The following TM4SF4 variants were observed in gnomAD, a reference collection of about 807,000 sequenced individuals.
The protein encoded by TM4SF4 is transmembrane 4 L six family member 4.
TM4SF4 carries 24 observed loss-of-function variants against 24.1 expected under a neutral mutation model. The ratio of observed to expected loss-of-function variants is 1.00; its 90% CI spans 0.72 to 1.40. The LOEUF is 1.40. Ranked by LOEUF, TM4SF4 falls within the 40% of genes most tolerant of loss-of-function variation. TM4SF4 has a pLI of 0.00. For missense variants in TM4SF4, 254 were observed against 254.2 expected (o/e 1.00, Z 0.01); for synonymous variants, 113 against 97.0 (o/e 1.17, Z -0.97).
chr3:149,486,121 C>A (rs1368610300), intron 2 of TM4SF4, among the ~76,000 whole-genome samples: 3 of 152,150 alleles, frequency 2.0e-5, no homozygotes, highest in Non-Finnish European at 4.4e-5. Context: ...ATCACCCAGG[C>A]ACGATCAGGT....
At chr3:149,475,963 C>A in intron 2 of TM4SF4, 51 bp downstream of exon 2, 1 of 1,504,704 alleles carries the variant, frequency 6.6e-7, no homozygotes, top group Non-Finnish European at 9.1e-7. Flanking sequence ...GTGCTCTGTG[C>A]TTTTGTGCTG....
chr3:149,494,918 G>A (rs141032156), intron 3 of TM4SF4: 1 of 157,082 alleles, frequency 6.4e-6, no homozygotes, highest in South Asian at 2.0e-4. Flanking sequence ...ATGAGTCATT[G>A]ATGCTCAGGA....
chr3:149,494,338 G>C (rs4681516), intron 3 of TM4SF4, among the ~76,000 whole-genome samples: 67,137 of 152,048 alleles, frequency 0.44, 17,108 homozygotes, highest in South Asian at 0.58. Flanking sequence ...TTCTACGTTC[G>C]CCGTAAACGT....
intron 2 of TM4SF4, among the ~76,000 whole-genome samples, chr3:149,485,830 A>G (rs1233223653): frequency 6.7e-6 from 1 of 148,780 alleles, no homozygotes; most frequent in Non-Finnish European, 1.5e-5. Context: ...AAACCTATGC[A>G]TTATTGTATT....
chr3:149,491,016 A>C (rs1734201205), intron 3 of TM4SF4, among the ~76,000 whole-genome samples: 1 of 151,406 alleles, frequency 6.6e-6, no homozygotes, highest in South Asian at 2.1e-4. Flanking sequence ...GTAAGTGCTA[A>C]GTGTTTTTAT....
intron 1 of TM4SF4, 127 bp from the exon 2 acceptor site, chr3:149,475,696 G>A (rs1440926359): frequency 1.9e-5 from 14 of 747,172 alleles, no homozygotes; most frequent in East Asian, 2.7e-5. Context: ...GCCATGCTCT[G>A]TTACTTTGCC....
intron 4 of TM4SF4, among the ~76,000 whole-genome samples, chr3:149,500,305 A>G (rs943349655): frequency 2.0e-5 from 3 of 152,108 alleles, no homozygotes; most frequent in African/African-American, 7.2e-5. Context: ...CATTATTTCT[A>G]GGTAAGAAGA....
intron 3 of TM4SF4, among the ~76,000 whole-genome samples, chr3:149,488,212 C>T (rs1161421713): frequency 6.6e-6 from 1 of 152,152 alleles, no homozygotes; most frequent in African/African-American, 2.4e-5. Flanking sequence ...TGCAAATGTA[C>T]AGAAAATGAC....
At chr3:149,485,474 A>G (rs1734099239) in intron 2 of TM4SF4, among the ~76,000 whole-genome samples, 1 of 152,234 alleles carries the variant, frequency 6.6e-6, no homozygotes, top group Admixed American at 6.5e-5. Flanking sequence ...AACCTTAGTC[A>G]TTGAAAACAT....
In TM4SF4 at chr3:149,487,751, G is replaced by A. The variant is rs553711584; in HGVS notation, c.397G>A (p.Asp133Asn). Residue 133 changes from aspartate (D) to asparagine (N), a missense_variant, in exon 3 of 5, where the codon GAC becomes AAC. Asp to Asn is a conservative substitution (Grantham distance 23). Transcript: ENST00000305354. ...TAGTACATGGGGCTACCCCTTCCACGACGGGTAAGGCCACACCCTGCAATG... is the reference window on the plus strand; with the variant it reads ...TAGTACATGGGGCTACCCCTTCCACAACGGGTAAGGCCACACCCTGCAATG... ...ANSTWGYPFHDGDYLNDEALW... is the reference protein window; with the variant it reads ...ANSTWGYPFHNGDYLNDEALW... 5.0e-6 allele frequency: 8 copies of A among 1,613,818 alleles called. No individual in the cohort carries two copies. The highest frequency in any genetic ancestry group is 4.5e-5 in the East Asian group (2 of 44,896).
intron 2 of TM4SF4, among the ~76,000 whole-genome samples, chr3:149,478,529 G>T (rs1733975524): frequency 6.6e-6 from 1 of 152,182 alleles, no homozygotes; most frequent in Admixed American, 6.5e-5. Context: ...TCCCAATATA[G>T]GTTGTCTGTG....
At chr3:149,497,049 T>G (rs1471673638) in intron 3 of TM4SF4, among the ~76,000 whole-genome samples, 3 of 152,062 alleles carry the variant, frequency 2.0e-5, no homozygotes, top group Non-Finnish European at 4.4e-5. Flanking sequence ...TTAAAGGAAG[T>G]GAGTAACTTG....
intron 3 of TM4SF4, among the ~76,000 whole-genome samples, chr3:149,493,363 C>T (rs1734250429): frequency 6.6e-6 from 1 of 152,298 alleles, no homozygotes; most frequent in East Asian, 1.9e-4. Flanking sequence ...GAAATAACTA[C>T]TCCAACAAAG....
Position 149,502,737 on chromosome 3 carries a change from A to T in TM4SF4, c.*44A>T. On this transcript the variant is annotated 3_prime_UTR_variant, in exon 5 of 5. Coordinates refer to ENST00000305354, the MANE Select transcript of TM4SF4 (RefSeq NM_004617.4). ...TCAGACTCTACAGCATGACGACTAC[A>T]ATTTCTTTTCATAAAACTTCTTCTC... is the stretch of plus-strand genomic sequence containing the variant. The T allele has an allele frequency of 6.8e-7, 1 of 1,464,432 alleles. No individual in the cohort carries two copies. The highest frequency in any genetic ancestry group is 2.3e-5 in the East Asian group (1 of 42,956). 90.7% of individuals were successfully genotyped at this position (1,464,432 alleles called of 1,614,324 possible).
chr3:149,487,959 G>C (rs1214766601), intron 3 of TM4SF4, among the ~76,000 whole-genome samples: 1 of 152,190 alleles, frequency 6.6e-6, no homozygotes, highest in African/African-American at 2.4e-5. Context: ...ACAGACCCCA[G>C]GAGAAATAAC....
chr3:149,490,705 A>T (rs1254254100), intron 3 of TM4SF4, among the ~76,000 whole-genome samples: 1 of 152,236 alleles, frequency 6.6e-6, no homozygotes, highest in Non-Finnish European at 1.5e-5. Flanking sequence ...GATAGTTAAA[A>T]AGGGTGTGTG....
At chr3:149,490,162 T>G (rs1334013488) in intron 3 of TM4SF4, among the ~76,000 whole-genome samples, 1 of 152,206 alleles carries the variant, frequency 6.6e-6, no homozygotes, top group Non-Finnish European at 1.5e-5. Context: ...GGAAGGGCAT[T>G]CAGGGGATGG....
At chr3:149,497,245 C>G (rs1734327473) in intron 3 of TM4SF4, among the ~76,000 whole-genome samples, 1 of 152,156 alleles carries the variant, frequency 6.6e-6, no homozygotes, top group South Asian at 2.1e-4. Flanking sequence ...CATACTAACT[C>G]ACATAGTCCT....
chr3:149,476,814 G>GTTTTTTTTTTTTTTTTTTTTTT (rs67092416), intron 2 of TM4SF4, among the ~76,000 whole-genome samples: 9 of 81,206 alleles, frequency 1.1e-4, no homozygotes, highest in East Asian at 5.6e-4. Context: ...TTTTGTTTTT[G>GTTTTTTTTTTTTTTTTTTTTTT]TTTTTTTTTT....
Sources: allele counts gnomAD v4.1 joint callset (sites outside exome capture counted in the v4.1 genomes callset), GRCh38; gene constraint gnomAD v4.1.1; transcripts MANE v1.5; gene names NCBI Gene and HGNC (gene_info 2026-07-23, HGNC 2026-07-21).